Variants in SLC31A1 observed in about 807,000 individuals in gnomAD.
SLC31A1 encodes the protein high affinity copper uptake protein 1.
Under a neutral mutation model 17.2 loss-of-function variants are expected in SLC31A1, and 5 were observed. The ratio of observed to expected loss-of-function variants is 0.29; its 90% CI spans 0.15 to 0.61. The LOEUF (loss-of-function observed/expected upper bound fraction) is 0.61. Ranked by LOEUF, SLC31A1 falls within the 20% of genes least tolerant of loss-of-function variation. SLC31A1 has a pLI of 0.86. For missense variants in SLC31A1, 161 were observed against 241.4 expected, an observed-to-expected ratio of 0.67 and a Z score of 2.21; for synonymous variants, 76 against 78.8, an observed-to-expected ratio of 0.96 and a Z score of 0.19.
Position 113,260,668 on chromosome 9 carries a change from A to C in SLC31A1, c.*195A>C. On this transcript the variant is annotated 3_prime_UTR_variant, in exon 5 of 5. Transcript: ENST00000374212. ...TCTGAACTAAAGTAGTAACCTCCCAAATTGTTTTTTCTAATAAGCTGAGAT... is the reference window on the plus strand; with the variant it reads ...TCTGAACTAAAGTAGTAACCTCCCACATTGTTTTTTCTAATAAGCTGAGAT... The C allele has an allele frequency of 1.6e-6, 1 of 622,368 alleles. No individual in the cohort carries two copies. Among genetic ancestry groups the C allele is most frequent in the Non-Finnish European group, 2.9e-6 (1 of 343,984 alleles). 38.6% of individuals were successfully genotyped at this position (622,368 alleles called of 1,614,324 possible).
At position 113,248,514 on chromosome 9, in the gene SLC31A1, G is replaced by A. The variant is rs1171936861; in HGVS notation, c.-35-7600G>A. On this transcript the variant is annotated intron_variant, in intron 1 of 4. Transcript: ENST00000374212. ...AACAGAGTTTTGCTCTTGTTGCCCA[G>A]GCTGGAGTGCAATGGTGCAGTCTCA... Among the ~76,000 whole-genome samples, 3 of 125,426 alleles carry A rather than the reference G, an allele frequency of 2.4e-5. No individual in the cohort carries two copies. In the East Asian group the frequency reaches 7.1e-4, roughly 30 times the overall value. The allele number at this position is 125,426 out of a possible 152,430, so 82.3% of individuals were successfully genotyped here.
At chr9:113,250,150 C>A (rs1202790390) in intron 1 of SLC31A1, among the ~76,000 whole-genome samples, 1 of 122,684 alleles carries the variant, frequency 8.2e-6, no homozygotes, top group Non-Finnish European at 1.8e-5. Flanking sequence ...ACTAGAAATA[C>A]CATTTGACCC....
intron 1 of SLC31A1, among the ~76,000 whole-genome samples, chr9:113,231,993 T>G (rs1225747243): frequency 6.6e-6 from 1 of 152,216 alleles, no homozygotes; most frequent in African/African-American, 2.4e-5. Flanking sequence ...GTCCTACCTT[T>G]CCAAATGTTT....
intron 1 of SLC31A1, among the ~76,000 whole-genome samples, chr9:113,230,484 C>G (rs1831390181): frequency 6.6e-6 from 1 of 152,148 alleles, no homozygotes; most frequent in Admixed American, 6.5e-5. Flanking sequence ...GTCTTGAACT[C>G]CTGGACTCAA....
At chr9:113,252,181 C>A (rs200682475) in intron 1 of SLC31A1, among the ~76,000 whole-genome samples, 2 of 152,200 alleles carry the variant, frequency 1.3e-5, no homozygotes, top group East Asian at 3.9e-4. Flanking sequence ...TAATGAGGGA[C>A]CTGAATAATT....
In SLC31A1 at chr9:113,263,338, A is replaced by C. The variant is rs1831815104; in HGVS notation, c.*2865A>C. On this transcript the variant is annotated 3_prime_UTR_variant, in exon 5 of 5. Coordinates refer to ENST00000374212, the MANE Select transcript of SLC31A1 (RefSeq NM_001859.4). ...AGGATGAAGCTAGTGAAGGAGAAAAAGCTTAAATTCCATCTTGAGCTCTTG... is the reference window on the plus strand; with the variant it reads ...AGGATGAAGCTAGTGAAGGAGAAAACGCTTAAATTCCATCTTGAGCTCTTG... The C allele has an allele frequency of 6.6e-6, 1 of 152,298 alleles. No individual in the cohort carries two copies. Among genetic ancestry groups the C allele is most frequent in the African/African-American group, 2.4e-5 (1 of 41,456 alleles). The allele number at this position is 152,298 out of a possible 1,614,324, so 9.4% of individuals were successfully genotyped here. A position where few individuals can be genotyped will look rare whatever the true frequency, so the allele number is the denominator to read the frequency against.
chr9:113,255,972 T>C, intron 1 of SLC31A1, 142 bp from the exon 2 acceptor site: 2 of 574,968 alleles, frequency 3.5e-6, no homozygotes, highest in Non-Finnish European at 5.8e-6. Context: ...ACTCCTGTAC[T>C]GATCAGTAGT....
At chr9:113,221,904 G>T (rs545299218) in intron 1 of SLC31A1, among the ~76,000 whole-genome samples, 1 of 152,222 alleles carries the variant, frequency 6.6e-6, no homozygotes, top group African/African-American at 2.4e-5. Flanking sequence ...GTATGCAACC[G>T]GCCATTTGTC....
At chr9:113,256,439 G>A in intron 2 of SLC31A1, 162 bp downstream of exon 2, 2 of 724,408 alleles carry the variant, frequency 2.8e-6, no homozygotes, top group Non-Finnish European at 4.4e-6. Flanking sequence ...TCCAGATTAT[G>A]TGGCAAGCTA....
At chr9:113,257,953 G>A (rs943287476) in intron 3 of SLC31A1, among the ~76,000 whole-genome samples, 1 of 152,192 alleles carries the variant, frequency 6.6e-6, no homozygotes, top group Non-Finnish European at 1.5e-5. Flanking sequence ...GAGTTAATAT[G>A]TCAGAGCTAG....
At chr9:113,242,113 C>T (rs1050752515) in intron 1 of SLC31A1, among the ~76,000 whole-genome samples, 5 of 151,924 alleles carry the variant, frequency 3.3e-5, no homozygotes, top group African/African-American at 9.7e-5. Context: ...GGTGTGAACC[C>T]GGGAGGCGGA....
At chr9:113,259,831 C>CCA (rs1587997664) in intron 4 of SLC31A1, among the ~76,000 whole-genome samples, 1 of 152,210 alleles carries the variant, frequency 6.6e-6, no homozygotes, top group East Asian at 1.9e-4. Context: ...AGCAATCAGC[C>CCA]CACCTCGGCC....
At chr9:113,222,209 C>T (rs1299279611) in intron 1 of SLC31A1, among the ~76,000 whole-genome samples, 2 of 152,152 alleles carry the variant, frequency 1.3e-5, no homozygotes, top group East Asian at 3.9e-4. Flanking sequence ...CGAGGAAAGT[C>T]CCCTTTCTAG....
intron 1 of SLC31A1, among the ~76,000 whole-genome samples, chr9:113,244,909 G>T (rs1478663445): frequency 1.3e-5 from 2 of 152,170 alleles, no homozygotes; most frequent in African/African-American, 4.8e-5. Flanking sequence ...GTATATAATT[G>T]TAAGGTATTT....
intron 1 of SLC31A1, among the ~76,000 whole-genome samples, chr9:113,238,862 A>T (rs1301052947): frequency 1.3e-5 from 2 of 152,230 alleles, no homozygotes; most frequent in Non-Finnish European, 2.9e-5. Context: ...GAGTTTGTTT[A>T]GATCACTGTT....
In SLC31A1 at chr9:113,259,567, TTTTCTTTTTTTC is replaced by T. The variant is rs1227524449; in HGVS notation, c.372-693_372-682del. On this transcript the variant is annotated intron_variant, in intron 4 of 4. Transcript: ENST00000374212. The stretch of plus-strand genomic sequence containing the variant: ...CTACCCAACCCTCAATTCTATTTTT[TTTTCTTTTTTTC>T]TTTCTTTTTTTTTTTTTTTTCTGGA... 2.7e-5 allele frequency among the ~76,000 whole-genome samples: 4 copies of T among 147,926 alleles called. No homozygotes were observed. In the Admixed American group the frequency reaches 2.8e-4, roughly 10 times the overall value.
chr9:113,252,814 CTTTGTGGTTTTCTTATGCTATA>C (rs1331523327), intron 1 of SLC31A1, among the ~76,000 whole-genome samples: 2 of 152,010 alleles, frequency 1.3e-5, no homozygotes, highest in Non-Finnish European at 2.9e-5. Context: ...GAAGTAAATC[CTTTGTGGTTTTCTTATGCTATA>C]ATCATTTTTC....
intron 1 of SLC31A1, among the ~76,000 whole-genome samples, chr9:113,236,447 T>C (rs967083206): frequency 7.2e-5 from 11 of 152,090 alleles, no homozygotes; most frequent in Non-Finnish European, 1.3e-4. Flanking sequence ...CACTGCAAGC[T>C]CCACCTCCCG....
intron 1 of SLC31A1, among the ~76,000 whole-genome samples, chr9:113,228,480 T>C (rs944070795): frequency 1.3e-5 from 2 of 152,216 alleles, no homozygotes; most frequent in African/African-American, 2.4e-5. Flanking sequence ...GTTTGACATA[T>C]CAAATTTGAG....
Sources: gnomAD v4.1 joint callset for allele counts (sites outside exome capture counted in the v4.1 genomes callset) on GRCh38, gnomAD v4.1.1 for gene constraint, MANE v1.5 for transcripts, NCBI Gene and HGNC (gene_info 2026-07-23, HGNC 2026-07-21) for gene names.